The following SCUBE1 variants were observed in gnomAD, a reference collection of about 807,000 sequenced individuals.
The protein encoded by SCUBE1 is signal peptide, CUB and EGF-like domain-containing protein 1.
In SCUBE1, 59 loss-of-function variants were observed where a neutral mutation model predicts 124.4. The observed-to-expected ratio is 0.47, with a 90% CI of 0.38 to 0.59. The LOEUF is 0.59. Among genes scored for constraint, SCUBE1 ranks in the 20% least tolerant of loss-of-function variants. The probability of loss-of-function intolerance (pLI) is 0.00; values close to 1 mark genes in which losing one functional copy is unlikely to be tolerated. For synonymous variants in SCUBE1, 545 were observed against 550.9 expected, an observed-to-expected ratio of 0.99 and a Z score of 0.15; for missense variants, 1,150 against 1,371.2, an observed-to-expected ratio of 0.84 and a Z score of 2.55.
At chr22:43,322,531 T>A (rs980140547) in intron 2 of SCUBE1, among the ~76,000 whole-genome samples, 6 of 152,200 alleles carry the variant, frequency 3.9e-5, no homozygotes, top group African/African-American at 1.4e-4. Flanking sequence ...GCGTGGTTTT[T>A]CTACACCCTT....
intron 2 of SCUBE1, among the ~76,000 whole-genome samples, chr22:43,331,029 GTAA>G (rs1926886941): frequency 6.6e-6 from 1 of 152,218 alleles, no homozygotes; most frequent in South Asian, 2.1e-4. Flanking sequence ...AATAAAGTGT[GTAA>G]TAATGATGAT....
At chr22:43,223,379 C>T (rs570483168) in intron 10 of SCUBE1, among the ~76,000 whole-genome samples, 163 bp from the exon 11 acceptor site, 1 of 152,126 alleles carries the variant, frequency 6.6e-6, no homozygotes, top group Non-Finnish European at 1.5e-5. Flanking sequence ...GTCCCTTGGG[C>T]GTGTGGGGAT....
intron 3 of SCUBE1, among the ~76,000 whole-genome samples, chr22:43,310,630 G>A (rs148620568): frequency 4.6e-5 from 7 of 152,286 alleles, no homozygotes; most frequent in African/African-American, 1.4e-4. Context: ...GACTTCTTGC[G>A]CCACAGAATT....
At chr22:43,249,284 T>A (rs932245326) in intron 6 of SCUBE1, among the ~76,000 whole-genome samples, 1 of 122,216 alleles carries the variant, frequency 8.2e-6, no homozygotes, top group African/African-American at 3.2e-5. Flanking sequence ...AGATGGTCGC[T>A]GCAGAAGAGG....
intron 4 of SCUBE1, among the ~76,000 whole-genome samples, chr22:43,277,448 C>T (rs557494725): frequency 6.6e-6 from 1 of 152,272 alleles, no homozygotes; most frequent in South Asian, 2.1e-4. Context: ...CAGCCCTAGG[C>T]AGAGGGCAGC....
Position 43,212,543 on chromosome 22 carries a change from C to G in SCUBE1, c.2103G>C (p.Gln701His). ...FFSADGFKPC[Q>H]ACPVGTYQPE... ...GCTGGTACGTGCCCACGGGGCAGGC[C>G]TGGCAGGGCTTGAAGCCATCGGCCG... The change falls in exon 17 of 22, where the codon CAG becomes CAC. Residue 701 changes from glutamine (Q) to histidine (H), a missense_variant. Transcript: ENST00000360835. The G allele has an allele frequency of 6.4e-7, 1 of 1,564,662 alleles. No individual in the cohort carries two copies. The highest frequency in any genetic ancestry group is 8.7e-7 in the Non-Finnish European group (1 of 1,155,446).
chr22:43,285,351 G>A (rs964230389), intron 4 of SCUBE1, among the ~76,000 whole-genome samples: 1 of 152,126 alleles, frequency 6.6e-6, no homozygotes, highest in East Asian at 1.9e-4. Flanking sequence ...TCCTGGCTCT[G>A]CCCACGCCCA....
intron 4 of SCUBE1, among the ~76,000 whole-genome samples, chr22:43,280,148 G>A (rs941185851): frequency 2.6e-5 from 4 of 152,040 alleles, no homozygotes; most frequent in African/African-American, 7.2e-5. Flanking sequence ...GGCAGGGTTC[G>A]GCGCTGTCTG....
chr22:43,317,783 A>C (rs1426831884), intron 3 of SCUBE1, among the ~76,000 whole-genome samples: 1 of 152,248 alleles, frequency 6.6e-6, no homozygotes, highest in Non-Finnish European at 1.5e-5. Context: ...CGCAGCTCCC[A>C]GTACTTGTGA....
intron 10 of SCUBE1, among the ~76,000 whole-genome samples, chr22:43,223,473 G>T (rs910061893): frequency 6.6e-6 from 1 of 152,196 alleles, no homozygotes; most frequent in Non-Finnish European, 1.5e-5. Flanking sequence ...CCCATCCCCA[G>T]ATCAGAAACT....
intron 4 of SCUBE1, among the ~76,000 whole-genome samples, chr22:43,263,950 C>T (rs575232171): frequency 1.3e-5 from 2 of 152,198 alleles, no homozygotes; most frequent in Non-Finnish European, 1.5e-5. Flanking sequence ...TCCGCTGGCT[C>T]GATTCCAAAA....
Position 43,262,706 on chromosome 22 carries a change from C to G in SCUBE1, c.610+14G>C. On this transcript the variant is annotated intron_variant, in intron 5 of 21. Coordinates refer to ENST00000360835, the MANE Select transcript of SCUBE1 (RefSeq NM_173050.5). ...CGCACGGGACGTTTGACCCATTTGT[C>G]TCCCTCTACCTACGTGTGCAGTCCT... The G allele has an allele frequency of 1.2e-6, 2 of 1,612,912 alleles. No homozygotes were observed. Among genetic ancestry groups the G allele is most frequent in the Non-Finnish European group, 1.7e-6 (2 of 1,179,030 alleles).
intron 2 of SCUBE1, among the ~76,000 whole-genome samples, chr22:43,327,726 G>A (rs1186959690): frequency 6.6e-6 from 1 of 152,170 alleles, no homozygotes; most frequent in African/African-American, 2.4e-5. Context: ...GGCGGAGGTT[G>A]CAGTGAGCCG....
intron 7 of SCUBE1, 62 bp from the exon 8 acceptor site, chr22:43,231,937 G>C: frequency 6.3e-7 from 1 of 1,592,744 alleles, no homozygotes; most frequent in Non-Finnish European, 8.6e-7. Flanking sequence ...GTGACCAGCG[G>C]GGGGACGGCA....
chr22:43,240,777 A>G (rs1271016351), intron 6 of SCUBE1, among the ~76,000 whole-genome samples: 1 of 152,060 alleles, frequency 6.6e-6, no homozygotes, highest in Non-Finnish European at 1.5e-5. Context: ...CCAGGAGCCA[A>G]TGGGCTCCCC....
chr22:43,322,140 T>C (rs1210397351), intron 2 of SCUBE1, among the ~76,000 whole-genome samples: 1 of 152,070 alleles, frequency 6.6e-6, no homozygotes, highest in Non-Finnish European at 1.5e-5. Flanking sequence ...CGTGCCACCA[T>C]GCCCGGCTAA....
At chr22:43,339,506 G>T (rs779769425) in intron 1 of SCUBE1, among the ~76,000 whole-genome samples, 4 of 151,850 alleles carry the variant, frequency 2.6e-5, no homozygotes, top group Non-Finnish European at 5.9e-5. Flanking sequence ...CTGCTAAAAA[G>T]ATGAGAAAAC....
intron 3 of SCUBE1, among the ~76,000 whole-genome samples, chr22:43,303,505 A>G (rs751479703): frequency 7.2e-5 from 11 of 152,252 alleles, no homozygotes; most frequent in Non-Finnish European, 5.9e-5. Context: ...CAGAGCTGAC[A>G]TACCGGAGAA....
At chr22:43,264,550 C>A (rs1184873659) in intron 4 of SCUBE1, among the ~76,000 whole-genome samples, 1 of 152,196 alleles carries the variant, frequency 6.6e-6, no homozygotes, top group Non-Finnish European at 1.5e-5. Flanking sequence ...CCTCTGGGAG[C>A]CTCCTGCCCT....
Sources: allele counts gnomAD v4.1 joint callset (sites outside exome capture counted in the v4.1 genomes callset), GRCh38; gene constraint gnomAD v4.1.1; transcripts MANE v1.5; gene names NCBI Gene and HGNC (gene_info 2026-07-23, HGNC 2026-07-21).